The following SETBP1 variants were observed in gnomAD, a reference collection of about 807,000 sequenced individuals.
SETBP1 encodes SET-binding protein.
A neutral mutation model predicts 101.0 loss-of-function variants in SETBP1; 9 were observed. The ratio of observed to expected loss-of-function variants is 0.09; its 90% confidence interval spans 0.05 to 0.16. SETBP1 has a LOEUF of 0.16. SETBP1 is among the 10% of genes least tolerant of loss of function. The pLI is 1.00. For synonymous variants in SETBP1, 818 were observed against 788.5 expected (o/e 1.04, Z -0.63); for missense variants, 1,858 against 2,033.8 (o/e 0.91, Z 1.66).
intron 2 of SETBP1, among the ~76,000 whole-genome samples, chr18:44,814,201 T>G (rs909756850): frequency 6.6e-6 from 1 of 152,196 alleles, no homozygotes; most frequent in African/African-American, 2.4e-5. Flanking sequence ...GAGTAGAATC[T>G]TCTAGAAACT....
intron 4 of SETBP1, among the ~76,000 whole-genome samples, chr18:45,031,627 C>T (rs1468382997): frequency 6.6e-6 from 1 of 152,126 alleles, no homozygotes; most frequent in Non-Finnish European, 1.5e-5. Flanking sequence ...GTGCAGTTTC[C>T]TAAAAGGTTT....
At chr18:44,826,492 G>A (rs2072241843) in intron 2 of SETBP1, among the ~76,000 whole-genome samples, 1 of 152,156 alleles carries the variant, frequency 6.6e-6, no homozygotes, top group Non-Finnish European at 1.5e-5. Context: ...CAGAGAAGGT[G>A]TTGTTCAGCA....
intron 3 of SETBP1, among the ~76,000 whole-genome samples, chr18:44,926,762 A>AAACAAC (rs200000678): frequency 6.2e-5 from 6 of 96,082 alleles, no homozygotes; most frequent in South Asian, 6.5e-4. Flanking sequence ...ACAAACAAAC[A>AAACAAC]AACAACAACA....
chr18:45,049,027 C>CAG (rs1206894843), intron 5 of SETBP1, among the ~76,000 whole-genome samples: 1 of 149,690 alleles, frequency 6.7e-6, no homozygotes, highest in Non-Finnish European at 1.5e-5. Flanking sequence ...GCCCCTGCCC[C>CAG]AGAGGAGCTT....
At chr18:44,791,877 C>T (rs1190652531) in intron 2 of SETBP1, among the ~76,000 whole-genome samples, 1 of 152,120 alleles carries the variant, frequency 6.6e-6, no homozygotes, top group Non-Finnish European at 1.5e-5. Flanking sequence ...GCCCTAACTT[C>T]TTGGGGAGGG....
At chr18:44,762,342 G>A (rs2070670478) in intron 2 of SETBP1, among the ~76,000 whole-genome samples, 2 of 152,116 alleles carry the variant, frequency 1.3e-5, no homozygotes, top group Admixed American at 1.3e-4. Context: ...TTGTTATCTG[G>A]ACTGTACAAC....
rs187052403 is a variant in SETBP1, at chr18:44,792,637, C to T, written c.487-76593C>T. On this transcript the variant is annotated intron_variant, in intron 2 of 5. Coordinates refer to ENST00000649279, the MANE Select transcript of SETBP1 (RefSeq NM_015559.3). ...GCAGGATGTGTTAATTGTCTTTTGC[C>T]CGGCCACTTCCACCTCTCCTCTGCC... is the stretch of plus-strand genomic sequence containing the variant. 1.7e-4 allele frequency among the ~76,000 whole-genome samples: 26 copies of T among 152,294 alleles called. 1 individual carries two copies. In the East Asian group the frequency reaches 4.4e-3, roughly 26 times the overall value.
At chr18:44,712,660 G>T (rs1196344779) in intron 2 of SETBP1, among the ~76,000 whole-genome samples, 1 of 152,050 alleles carries the variant, frequency 6.6e-6, no homozygotes, top group African/African-American at 2.4e-5. Context: ...CTTCCTGCTT[G>T]ATTCCTACCA....
At chr18:44,714,612 ATG>A (rs1487854230) in intron 2 of SETBP1, among the ~76,000 whole-genome samples, 1 of 151,294 alleles carries the variant, frequency 6.6e-6, no homozygotes, top group African/African-American at 2.4e-5. Context: ...GGGTGTGTGT[ATG>A]TGTGTGTGTG....
chr18:44,781,059 G>A (rs1243294401), intron 2 of SETBP1, among the ~76,000 whole-genome samples: 1 of 152,196 alleles, frequency 6.6e-6, no homozygotes, highest in Non-Finnish European at 1.5e-5. Context: ...GGTCAAGCAA[G>A]GCAAGTGGGC....
chr18:45,002,899 C>G (rs759354536), intron 4 of SETBP1, among the ~76,000 whole-genome samples: 7 of 152,188 alleles, frequency 4.6e-5, no homozygotes, highest in Non-Finnish European at 8.8e-5. Flanking sequence ...CTTAACTACT[C>G]ACCACCTCTT....
At chr18:44,968,899 T>A (rs2071779765) in intron 4 of SETBP1, among the ~76,000 whole-genome samples, 1 of 152,228 alleles carries the variant, frequency 6.6e-6, no homozygotes, top group Non-Finnish European at 1.5e-5. Context: ...TTTCTCACTG[T>A]TAATTTCTTT....
intron 2 of SETBP1, among the ~76,000 whole-genome samples, chr18:44,753,153 C>T (rs1346531317): frequency 2.0e-5 from 3 of 152,134 alleles, no homozygotes; most frequent in African/African-American, 7.2e-5. Flanking sequence ...CAAAACCCTA[C>T]AGAGAAAGAT....
At chr18:45,026,729 T>G (rs1290195533) in intron 4 of SETBP1, among the ~76,000 whole-genome samples, 1 of 152,214 alleles carries the variant, frequency 6.6e-6, no homozygotes, top group African/African-American at 2.4e-5. Flanking sequence ...CTGCACTTTT[T>G]AAAGCATGGT....
At chr18:45,040,028 G>A (rs1320308563) in intron 5 of SETBP1, among the ~76,000 whole-genome samples, 2 of 152,160 alleles carry the variant, frequency 1.3e-5, no homozygotes, top group Non-Finnish European at 2.9e-5. Context: ...TGCATTGGGA[G>A]GTTGCAGGAG....
rs2071297399 is a variant in SETBP1, at chr18:44,949,951, A to G, written c.611A>G (p.Asp204Gly). 1 of 1,613,996 alleles carries G rather than the reference A, an allele frequency of 6.2e-7. No individual in the cohort carries two copies. The highest frequency in any genetic ancestry group is 1.3e-5 in the African/African-American group (1 of 74,882). The change falls in exon 4 of 6, where the codon GAC becomes GGC. Residue 204 changes from aspartate (D) to glycine (G), a missense_variant. Physicochemically the swap from Asp to Gly is moderately conservative, Grantham distance 94. Around this residue, in one of 12 missense-constraint regions of SETBP1, gnomAD observed 581 missense variants for 535.1 expected, o/e 1.09. Coordinates refer to ENST00000649279, the MANE Select transcript of SETBP1 (RefSeq NM_015559.3). Reference protein sequence around the residue: ...DTGLPQDFTGDTLKPKHQQKS... With the variant: ...DTGLPQDFTGGTLKPKHQQKS... The stretch of plus-strand genomic sequence containing the variant: ...GGCCTCCCACAGGACTTCACCGGTG[A>G]CACCTTAAAACCAAAGCACCAGCAA...
chr18:45,044,779 A>G (rs2073576010), intron 5 of SETBP1, among the ~76,000 whole-genome samples: 1 of 152,238 alleles, frequency 6.6e-6, no homozygotes, highest in African/African-American at 2.4e-5. Context: ...CAACTCTTTA[A>G]TGCAGAAGAC....
At chr18:45,016,849 C>A (rs941959194) in intron 4 of SETBP1, among the ~76,000 whole-genome samples, 2 of 140,814 alleles carry the variant, frequency 1.4e-5, no homozygotes, top group Non-Finnish European at 3.0e-5. Context: ...TCACAGTCAA[C>A]GGCAGGTTTT....
At chr18:44,988,476 G>T (rs898535793) in intron 4 of SETBP1, 2 of 152,210 alleles carry the variant, frequency 1.3e-5, no homozygotes, top group Non-Finnish European at 2.9e-5. Flanking sequence ...GCTGAATGAG[G>T]TGTAAGATAT....
Sources: allele counts gnomAD v4.1 joint callset (sites outside exome capture counted in the v4.1 genomes callset), GRCh38; gene constraint gnomAD v4.1.1; regional missense constraint gnomAD v4.1.1; transcripts MANE v1.5; gene names NCBI Gene and HGNC (gene_info 2026-07-23, HGNC 2026-07-21).